Variants in BACH2 observed in about 807,000 individuals in gnomAD.
BACH2 encodes BACH transcriptional regulator 2.
A neutral mutation model predicts 61.8 loss-of-function variants in BACH2; 5 were observed. The observed-to-expected ratio is 0.08, with a 90% CI of 0.04 to 0.17. The LOEUF is 0.17. Ranked by LOEUF, BACH2 falls within the 10% of genes least tolerant of loss-of-function variation. The pLI is 1.00. For missense variants in BACH2, 824 were observed against 1,091.1 expected (o/e 0.76, Z 3.45); for synonymous variants, 446 against 440.1 (o/e 1.01, Z -0.17).
chr6:89,943,699 C>A (rs1773570925), intron 7 of BACH2, among the ~76,000 whole-genome samples: 1 of 152,200 alleles, frequency 6.6e-6, no homozygotes, highest in Non-Finnish European at 1.5e-5. Flanking sequence ...AAAGTAGCTG[C>A]AAATTTTGCA....
At chr6:90,155,498 T>C (rs894580427) in intron 4 of BACH2, among the ~76,000 whole-genome samples, 23 of 152,208 alleles carry the variant, frequency 1.5e-4, no homozygotes, top group Non-Finnish European at 2.5e-4. Context: ...GCAATCAGGT[T>C]TCGCCTTTAG....
At chr6:90,099,280 C>G (rs1472545077) in intron 4 of BACH2, among the ~76,000 whole-genome samples, 1 of 152,128 alleles carries the variant, frequency 6.6e-6, no homozygotes, top group Admixed American at 6.5e-5. Flanking sequence ...TCAGAGAGAC[C>G]CAGGTCTAGT....
At chr6:89,992,377 A>C (rs1301206529) in intron 6 of BACH2, among the ~76,000 whole-genome samples, 2 of 152,250 alleles carry the variant, frequency 1.3e-5, no homozygotes, top group Admixed American at 6.5e-5. Context: ...GATGTGGCTC[A>C]TGCCTATAAT....
At chr6:90,080,840 C>T (rs898439244) in intron 5 of BACH2, 3 of 912,704 alleles carry the variant, frequency 3.3e-6, no homozygotes, top group Non-Finnish European at 3.9e-6. Flanking sequence ...AGAGCTAACA[C>T]CGTCTTCATG....
intron 4 of BACH2, among the ~76,000 whole-genome samples, chr6:90,103,079 A>C (rs1782748275): frequency 7.8e-6 from 1 of 128,992 alleles, no homozygotes; most frequent in Non-Finnish European, 1.6e-5. Flanking sequence ...TTCAGGTTCA[A>C]AAACTGATTT....
chr6:90,166,615 T>C (rs1180412772), intron 4 of BACH2, among the ~76,000 whole-genome samples: 3 of 152,300 alleles, frequency 2.0e-5, no homozygotes, highest in East Asian at 1.9e-4. Context: ...CGTATGTTTA[T>C]TGCGGCACTA....
chr6:89,963,151 T>G (rs1421223670), intron 6 of BACH2, among the ~76,000 whole-genome samples: 1 of 152,156 alleles, frequency 6.6e-6, no homozygotes, highest in Non-Finnish European at 1.5e-5. Flanking sequence ...CGTCACTAAT[T>G]AACAGAGAAA....
chr6:90,086,724 C>T (rs1369435234), intron 5 of BACH2, among the ~76,000 whole-genome samples: 1 of 152,172 alleles, frequency 6.6e-6, no homozygotes, highest in African/African-American at 2.4e-5. Flanking sequence ...AAGGTCATCC[C>T]ACAGGAACAC....
intron 6 of BACH2, among the ~76,000 whole-genome samples, chr6:89,962,904 G>A (rs1480138062): frequency 6.6e-6 from 1 of 152,012 alleles, no homozygotes; most frequent in African/African-American, 2.4e-5. Flanking sequence ...TTCTATCAAA[G>A]GATACAATCA....
intron 6 of BACH2, among the ~76,000 whole-genome samples, chr6:89,988,001 T>C (rs1462871059): frequency 2.0e-5 from 3 of 152,208 alleles, no homozygotes; most frequent in African/African-American, 4.8e-5. Context: ...TATAAGTCTA[T>C]GAATGACACC....
At chr6:90,005,541 G>A (rs1777361629) in intron 6 of BACH2, among the ~76,000 whole-genome samples, 1 of 152,194 alleles carries the variant, frequency 6.6e-6, no homozygotes, top group South Asian at 2.1e-4. Context: ...ATCACTCACT[G>A]AGCTAAGTGT....
Position 90,291,049 on chromosome 6 carries a change from C to T in BACH2, c.-446+5431G>A, listed in dbSNP as rs1335442264. 3.3e-5 allele frequency among the ~76,000 whole-genome samples: 5 copies of T among 152,170 alleles called. No individual in the cohort carries two copies. In the East Asian group the frequency reaches 7.7e-4, roughly 24 times the overall value. ...CATCAGCAGCAGCATGTCCTACAGCCTTCAGGAAAAGAACAAAAAGGTCAG... is the reference window on the plus strand; with the variant it reads ...CATCAGCAGCAGCATGTCCTACAGCTTTCAGGAAAAGAACAAAAAGGTCAG... On this transcript the variant is annotated intron_variant, in intron 1 of 8. Coordinates refer to ENST00000257749, the MANE Select transcript of BACH2 (RefSeq NM_021813.4).
At position 89,951,417 on chromosome 6, in the gene BACH2, C is replaced by G. The variant is rs769947904; in HGVS notation, c.689G>C (p.Arg230Thr). ...ACATGCAAGCTGGTATTTCTTGTAT[C>G]TGGGGTACTGCGTTAACGCGTCCTT... ...SEKDALTQYP[R>T]YKKYQLACTK... Residue 230 changes from arginine to threonine, a missense_variant, in exon 7 of 9, where the codon AGA becomes ACA. By Grantham distance (71) the Arg-to-Thr change is moderately conservative. This residue lies in a region of BACH2 where 19 missense variants were observed against 44.2 expected (regional missense o/e 0.43). Coordinates refer to ENST00000257749, the MANE Select transcript of BACH2 (RefSeq NM_021813.4). The surrounding 1 kb of genome is among the most constrained non-coding windows in gnomAD (Gnocchi z 6.4). 6.2e-7 allele frequency: 1 copy of G among 1,614,256 alleles called. No individual in the cohort carries two copies. The highest frequency in any genetic ancestry group is 1.1e-5 in the South Asian group (1 of 91,092).
chr6:90,279,251 G>A (rs957757399), intron 1 of BACH2, among the ~76,000 whole-genome samples: 5 of 151,934 alleles, frequency 3.3e-5, no homozygotes, highest in Admixed American at 1.3e-4. Context: ...GGCCAGGCAC[G>A]GTGGCTCATG....
rs139060537 is a variant in BACH2 at position 90,078,949 on chromosome 6, T to C, written c.-13+10012A>G. Among the ~76,000 whole-genome samples the C allele has an allele frequency of 7.9e-5, 12 of 152,278 alleles. No individual in the cohort carries two copies. The East Asian group carries it at 2.3e-3, about 29-fold the overall frequency. On this transcript the variant is annotated intron_variant, in intron 5 of 8. Transcript: ENST00000257749. ...TCAGAATCTTCTGGAACTGCCCTCT[T>C]GACTCATCCATTTTACAAAGCTCAT...
intron 1 of BACH2, among the ~76,000 whole-genome samples, chr6:90,273,068 C>T (rs961316708): frequency 1.3e-5 from 2 of 152,146 alleles, no homozygotes; most frequent in Non-Finnish European, 2.9e-5. Context: ...GTCTCCTCAT[C>T]CCTCAATGAA....
intron 3 of BACH2, among the ~76,000 whole-genome samples, chr6:90,240,293 C>T (rs1488779502): frequency 6.6e-6 from 1 of 152,020 alleles, no homozygotes; most frequent in Non-Finnish European, 1.5e-5. Context: ...ATTTTGCCTC[C>T]TAAGAAATGC....
chr6:90,161,314 T>C (rs1562480786), intron 4 of BACH2, among the ~76,000 whole-genome samples: 1 of 152,196 alleles, frequency 6.6e-6, no homozygotes, highest in Non-Finnish European at 1.5e-5. Context: ...CTGTGATTGG[T>C]ACTAATGATT....
At chr6:90,013,533 G>A (rs1777843283) in intron 5 of BACH2, among the ~76,000 whole-genome samples, 2 of 125,900 alleles carry the variant, frequency 1.6e-5, no homozygotes, top group Non-Finnish European at 3.2e-5. Context: ...TTGAGATGGA[G>A]TCTCGCTCTG....
Sources: gnomAD v4.1 joint callset for allele counts (sites outside exome capture counted in the v4.1 genomes callset) on GRCh38, gnomAD v4.1.1 for gene constraint, gnomAD v4.1.1 regional missense constraint, Gnocchi (gnomAD v3.1) non-coding constraint, MANE v1.5 for transcripts, NCBI Gene and HGNC (gene_info 2026-07-23, HGNC 2026-07-21) for gene names.